Variants in GMPR observed in about 807,000 individuals in gnomAD.
GMPR encodes GMP reductase 1.
Under a neutral mutation model 38.4 loss-of-function variants are expected in GMPR, and 31 were observed. The observed-to-expected ratio is 0.81, with a 90% CI of 0.61 to 1.09. The LOEUF is 1.09. GMPR is among the 50% of genes least tolerant of loss of function. GMPR has a pLI of 0.00. For synonymous variants in GMPR, 162 were observed against 173.3 expected, an observed-to-expected ratio of 0.93 and a Z score of 0.51; for missense variants, 468 against 453.7, an observed-to-expected ratio of 1.03 and a Z score of -0.29.
At chr6:16,268,091 G>A (rs35811681) in intron 4 of GMPR, among the ~76,000 whole-genome samples, 9,247 of 152,260 alleles carry the variant, frequency 0.061, 366 homozygotes, top group Non-Finnish European at 0.089. Context: ...GGTACAAGGG[G>A]TGTGTATGGC....
intron 1 of GMPR, among the ~76,000 whole-genome samples, chr6:16,242,743 A>G (rs910817325): frequency 4.6e-5 from 7 of 152,126 alleles, no homozygotes; most frequent in African/African-American, 1.7e-4. Context: ...GGTTCAAGCA[A>G]TTCTCCTGCC....
At chr6:16,272,128 C>G (rs1379149417) in intron 4 of GMPR, among the ~76,000 whole-genome samples, 1 of 152,196 alleles carries the variant, frequency 6.6e-6, no homozygotes, top group African/African-American at 2.4e-5. Context: ...AGGAGAATCA[C>G]TTGAACCCTG....
intron 4 of GMPR, among the ~76,000 whole-genome samples, chr6:16,261,425 G>A (rs2575622): frequency 1.8e-4 from 27 of 151,940 alleles, no homozygotes; most frequent in Admixed American, 3.3e-4. Context: ...AAGTGAAAGC[G>A]AAGAGAGGCT....
At chr6:16,259,511 G>A (rs1759040943) in intron 4 of GMPR, 2 of 151,904 alleles carry the variant, frequency 1.3e-5, no homozygotes, top group African/African-American at 4.8e-5. Context: ...GGGATGGTAT[G>A]GGGAGATAAT....
intron 6 of GMPR, among the ~76,000 whole-genome samples, chr6:16,284,352 T>G (rs1759635266): frequency 6.6e-6 from 1 of 152,168 alleles, no homozygotes. Context: ...ACAAGGTGGG[T>G]CATCCCATTT....
rs751057377 is a variant in GMPR at position 16,254,750 on chromosome 6, A to C, written c.465+15A>C. ...ACACCATTATGGTAAGTACGGTAGA[A>C]CATTACGGTAGAACATTCTCAAGAT... On this transcript the variant is annotated intron_variant, in intron 4 of 8. Coordinates refer to ENST00000259727, the MANE Select transcript of GMPR (RefSeq NM_006877.4). 5 of 1,588,744 alleles carry C rather than the reference A, an allele frequency of 3.1e-6. No homozygotes were observed. The highest frequency in any genetic ancestry group is 1.3e-5 in the African/African-American group (1 of 74,416).
rs183077639 is a variant in GMPR, at chr6:16,281,651, C to T, written c.654+2761C>T. 3.3e-4 allele frequency among the ~76,000 whole-genome samples: 49 copies of T among 149,504 alleles called. 1 individual carries two copies. In the East Asian group the frequency reaches 6.9e-3, roughly 21 times the overall value. On this transcript the variant is annotated intron_variant, in intron 6 of 8. Coordinates refer to ENST00000259727, the MANE Select transcript of GMPR (RefSeq NM_006877.4). ...TCCCGAGTAGCTGGGATTACAGGCA[C>T]GCGCCACCACGCTCAGCCCATTTTT... is the stretch of plus-strand genomic sequence containing the variant.
rs1230598044 is a variant in GMPR at position 16,285,017 on chromosome 6, C to CAA, written c.655-762_655-761dup. Among the ~76,000 whole-genome samples, 168 of 34,822 alleles carry CAA rather than the reference C, an allele frequency of 4.8e-3. 5 individuals are homozygous for CAA. The highest frequency in any genetic ancestry group is 5.8e-3 in the Non-Finnish European group (101 of 17,302). 22.8% of individuals were successfully genotyped at this position (34,822 alleles called of 152,430 possible). A position where few individuals can be genotyped will look rare whatever the true frequency, so the allele number is the denominator to read the frequency against. On this transcript the variant is annotated intron_variant, in intron 6 of 8. Coordinates refer to ENST00000259727, the MANE Select transcript of GMPR (RefSeq NM_006877.4). ...CTGGGCGACAAGAGTGAGACTGTCT[C>CAA]AAAAAAAAAAAAAAACAAAAAAAAA...
intron 7 of GMPR, among the ~76,000 whole-genome samples, chr6:16,289,043 C>G (rs180025): frequency 6.6e-6 from 1 of 152,168 alleles, no homozygotes; most frequent in Admixed American, 6.5e-5. Flanking sequence ...AGTGGCAAAC[C>G]CTTCTGGCTC....
At chr6:16,252,050 G>A (rs1758885655) in intron 3 of GMPR, among the ~76,000 whole-genome samples, 1 of 152,108 alleles carries the variant, frequency 6.6e-6, no homozygotes. Context: ...TGGGGTTGTC[G>A]TTACTGTGCT....
chr6:16,278,668 A>T, intron 5 of GMPR, 116 bp from the exon 6 acceptor site: 1 of 753,732 alleles, frequency 1.3e-6, no homozygotes, highest in Non-Finnish European at 2.4e-6. Context: ...CTCCTCTGCC[A>T]CAGAGGTTCA....
chr6:16,272,771 C>G (rs1402558233), intron 4 of GMPR, among the ~76,000 whole-genome samples: 2 of 151,936 alleles, frequency 1.3e-5, no homozygotes. Flanking sequence ...TTTTCTCTAC[C>G]TGGGTATTTG....
intron 8 of GMPR, among the ~76,000 whole-genome samples, chr6:16,292,684 A>G (rs1759862789): frequency 1.3e-5 from 2 of 152,198 alleles, no homozygotes; most frequent in Non-Finnish European, 2.9e-5. Context: ...TGGAGCTTTC[A>G]TGGGTGAGCA....
At position 16,274,432 on chromosome 6, in the gene GMPR, A is replaced by T; in HGVS notation, c.483A>T (p.Thr161=). 1 of 1,604,300 alleles carries T rather than the reference A, an allele frequency of 6.2e-7. No homozygotes were observed. Among genetic ancestry groups the T allele is most frequent in the Non-Finnish European group, 8.5e-7 (1 of 1,170,994 alleles). ...EHTIMAGNVV[T]GEMVEELILS... ...TGTCTCAGGCAGGGAACGTGGTGAC[A>T]GGAGAAATGGTAGAAGAGCTTATTC... is the stretch of plus-strand genomic sequence containing the variant. The change falls in exon 5 of 9, where the codon ACA becomes ACT. Residue 161 remains threonine (T), a synonymous_variant. Transcript: ENST00000259727.
intron 7 of GMPR, among the ~76,000 whole-genome samples, chr6:16,287,062 C>T (rs1447905884): frequency 1.3e-5 from 2 of 152,150 alleles, no homozygotes; most frequent in African/African-American, 4.8e-5. Context: ...ATCATAGATC[C>T]TATCTGTGGA....
At chr6:16,288,627 G>A (rs941155921) in intron 7 of GMPR, among the ~76,000 whole-genome samples, 3 of 152,238 alleles carry the variant, frequency 2.0e-5, no homozygotes, top group African/African-American at 7.2e-5. Flanking sequence ...ACCATGCAAG[G>A]GCTGAGGAGT....
intron 4 of GMPR, among the ~76,000 whole-genome samples, chr6:16,270,042 T>C (rs952322297): frequency 6.6e-6 from 1 of 152,226 alleles, no homozygotes; most frequent in Non-Finnish European, 1.5e-5. Flanking sequence ...AATCCCCACC[T>C]GCTAATATCA....
rs1456931600 is a variant in GMPR at position 16,295,306 on chromosome 6, C to T, written c.*120C>T. 45 of 755,100 alleles carry T rather than the reference C, an allele frequency of 6.0e-5. No homozygotes were observed. Among genetic ancestry groups the T allele is most frequent in the Non-Finnish European group, 8.6e-5 (44 of 510,474 alleles). 46.8% of individuals were successfully genotyped at this position (755,100 alleles called of 1,614,324 possible). A position where few individuals can be genotyped will look rare whatever the true frequency, so the allele number is the denominator to read the frequency against. ...CTCCTGAATGGTGGAATGCTGTGTC[C>T]TCTCTTCTGTCTCCTGCTGCCTGGA... On this transcript the variant is annotated 3_prime_UTR_variant, in exon 9 of 9. Transcript: ENST00000259727.
intron 4 of GMPR, among the ~76,000 whole-genome samples, chr6:16,269,938 A>C (rs1581658864): frequency 6.6e-6 from 1 of 152,092 alleles, no homozygotes; most frequent in Admixed American, 6.5e-5. Flanking sequence ...TTTCATTGTC[A>C]CCTCATGTGG....
Sources: gnomAD v4.1 joint callset for allele counts (sites outside exome capture counted in the v4.1 genomes callset) on GRCh38, gnomAD v4.1.1 for gene constraint, MANE v1.5 for transcripts, NCBI Gene and HGNC (gene_info 2026-07-23, HGNC 2026-07-21) for gene names.